The following BRINP3 variants were observed in gnomAD, a reference collection of about 807,000 sequenced individuals.
BRINP3 encodes BMP/retinoic acid-inducible neural-specific protein 3.
In BRINP3, 19 loss-of-function variants were observed where a neutral mutation model predicts 71.0. The ratio of observed to expected loss-of-function variants is 0.27; its 90% CI spans 0.19 to 0.39. The LOEUF is 0.39. Ranked by LOEUF, BRINP3 falls within the 10% of genes least tolerant of loss-of-function variation. The pLI is 1.00. For synonymous variants in BRINP3, 380 were observed against 337.7 expected (o/e 1.13, Z -1.37); for missense variants, 959 against 940.8 (o/e 1.02, Z -0.25).
At chr1:190,204,357 G>A (rs967189047) in intron 6 of BRINP3, among the ~76,000 whole-genome samples, 1 of 151,640 alleles carries the variant, frequency 6.6e-6, no homozygotes, top group Admixed American at 6.6e-5. Context: ...ATTATAAAAT[G>A]GAAAGAAAGG....
intron 6 of BRINP3, among the ~76,000 whole-genome samples, chr1:190,179,692 T>A (rs1652858745): frequency 6.6e-6 from 1 of 152,158 alleles, no homozygotes; most frequent in African/African-American, 2.4e-5. Flanking sequence ...GCTTTGCATA[T>A]AAAGTGAATA....
chr1:190,476,588 T>A (rs1359543197), intron 1 of BRINP3, among the ~76,000 whole-genome samples: 1 of 152,214 alleles, frequency 6.6e-6, no homozygotes, highest in Non-Finnish European at 1.5e-5. Flanking sequence ...CATATTAACA[T>A]GCCTATTAAA....
At chr1:190,250,320 C>T (rs915212832) in intron 4 of BRINP3, among the ~76,000 whole-genome samples, 46 of 151,842 alleles carry the variant, frequency 3.0e-4, no homozygotes, top group African/African-American at 9.4e-4. Flanking sequence ...ATTCCCTGAG[C>T]AAAAAGTGTT....
chr1:190,218,731 T>TC (rs139921380), intron 6 of BRINP3, among the ~76,000 whole-genome samples: 1 of 151,740 alleles, frequency 6.6e-6, no homozygotes, highest in Non-Finnish European at 1.5e-5. Flanking sequence ...TCCTCATACC[T>TC]CCCCCCACCC....
chr1:190,281,494 T>A, intron 3 of BRINP3, 66 bp downstream of exon 3: 1 of 1,444,910 alleles, frequency 6.9e-7, no homozygotes, highest in Non-Finnish European at 9.5e-7. Context: ...AATTAACACT[T>A]TTCTGCGATT....
In BRINP3 at chr1:190,476,472, T is replaced by C. The variant is rs573689762; in HGVS notation, c.-51+976A>G. Among the ~76,000 whole-genome samples, 6 of 152,034 alleles carry C rather than the reference T, an allele frequency of 3.9e-5. No homozygotes were observed. The South Asian group carries it at 1.2e-3, about 32-fold the overall frequency. On this transcript the variant is annotated intron_variant, in intron 1 of 7. Coordinates refer to ENST00000367462, the MANE Select transcript of BRINP3 (RefSeq NM_199051.3). ...TCCTCATTATGTGTCAATTGTGAAG[T>C]AAAAGTAAAGATTAAAATGTTTCTC...
chr1:190,279,716 G>A (rs926768014), intron 3 of BRINP3, among the ~76,000 whole-genome samples: 1 of 151,726 alleles, frequency 6.6e-6, no homozygotes, highest in Non-Finnish European at 1.5e-5. Flanking sequence ...TTTTCAACCT[G>A]TTCATGCCTT....
intron 2 of BRINP3, among the ~76,000 whole-genome samples, chr1:190,414,933 T>C (rs957549139): frequency 3.9e-5 from 6 of 152,116 alleles, no homozygotes; most frequent in African/African-American, 1.5e-4. Flanking sequence ...TTTCTCTGTC[T>C]TGAGACTAAA....
At position 190,449,131 on chromosome 1, in the gene BRINP3, C is replaced by G. The variant is rs556148028; in HGVS notation, c.236+5524G>C. On this transcript the variant is annotated intron_variant, in intron 2 of 7. Coordinates refer to ENST00000367462, the MANE Select transcript of BRINP3 (RefSeq NM_199051.3). ...GTCTCTTCCAAGAATTATATTTTAA[C>G]ATTTCCTTGAAATTTTAAAACAATA... 1.9e-3 allele frequency among the ~76,000 whole-genome samples: 284 copies of G among 152,146 alleles called. 2 individuals are homozygous for G. Among genetic ancestry groups the G allele is most frequent in the African/African-American group, 6.4e-3 (265 of 41,542 alleles).
intron 7 of BRINP3, among the ~76,000 whole-genome samples, chr1:190,108,387 TG>T (rs1407035590): frequency 6.6e-6 from 1 of 151,688 alleles, no homozygotes; most frequent in Non-Finnish European, 1.5e-5. Context: ...ATTTGTACAA[TG>T]GTTTAAGGAA....
chr1:190,267,876 C>G (rs1661790961), intron 3 of BRINP3, among the ~76,000 whole-genome samples: 1 of 151,894 alleles, frequency 6.6e-6, no homozygotes. Context: ...GGATTTTTGC[C>G]TGAAGTTTAA....
rs188625645 is a variant in BRINP3 at position 190,357,950 on chromosome 1, T to C, written c.237-76200A>G. On this transcript the variant is annotated intron_variant, in intron 2 of 7. Coordinates refer to ENST00000367462, the MANE Select transcript of BRINP3 (RefSeq NM_199051.3). ...AATAAATGGTTCTGGGAAAACTGGCTAGCCATATGGAGAAAGCTGAAACTG... is the reference window on the plus strand; with the variant it reads ...AATAAATGGTTCTGGGAAAACTGGCCAGCCATATGGAGAAAGCTGAAACTG... Among the ~76,000 whole-genome samples the C allele has an allele frequency of 2.4e-4, 36 of 152,086 alleles. 1 individual carries two copies. In the East Asian group the frequency reaches 6.0e-3, roughly 25 times the overall value.
chr1:190,416,195 C>A (rs1318898615), intron 2 of BRINP3, among the ~76,000 whole-genome samples: 1 of 152,114 alleles, frequency 6.6e-6, no homozygotes, highest in Non-Finnish European at 1.5e-5. Context: ...ATTATTTTTG[C>A]TTATTTCTCC....
intron 6 of BRINP3, among the ~76,000 whole-genome samples, chr1:190,223,044 C>T (rs780808177): frequency 1.2e-4 from 18 of 151,818 alleles, no homozygotes; most frequent in Non-Finnish European, 2.1e-4. Flanking sequence ...AGTCTTCCAT[C>T]AAAATGAAGC....
rs544242413 is a variant in BRINP3, at chr1:190,441,116, A to G, written c.236+13539T>C. ...TGTTATGGCAACATTTGACTTGGTCAAATATAATCTCCTAATAGAGAAGCT... is the reference window on the plus strand; with the variant it reads ...TGTTATGGCAACATTTGACTTGGTCGAATATAATCTCCTAATAGAGAAGCT... On this transcript the variant is annotated intron_variant, in intron 2 of 7. Coordinates refer to ENST00000367462, the MANE Select transcript of BRINP3 (RefSeq NM_199051.3). Among the ~76,000 whole-genome samples the G allele has an allele frequency of 1.2e-3, 181 of 152,084 alleles. 1 individual carries two copies. Among genetic ancestry groups the G allele is most frequent in the Non-Finnish European group, 1.9e-3 (127 of 67,856 alleles).
intron 4 of BRINP3, among the ~76,000 whole-genome samples, chr1:190,242,034 G>A (rs1659149137): frequency 6.6e-6 from 1 of 151,508 alleles, no homozygotes; most frequent in Non-Finnish European, 1.5e-5. Context: ...CTTAATATCA[G>A]ACTGCAATTC....
chr1:190,099,837 TA>T (rs1651542099), intron 7 of BRINP3, among the ~76,000 whole-genome samples: 1 of 152,234 alleles, frequency 6.6e-6, no homozygotes, highest in East Asian at 1.9e-4. Flanking sequence ...TGTGTTAGTT[TA>T]ATGTGTTTGA....
At chr1:190,268,301 G>C (rs1010527371) in intron 3 of BRINP3, among the ~76,000 whole-genome samples, 1 of 152,104 alleles carries the variant, frequency 6.6e-6, no homozygotes, top group Admixed American at 6.6e-5. Flanking sequence ...GTCTCACTGT[G>C]TTGCCCAGGC....
chr1:190,370,442 C>A (rs1669785905), intron 2 of BRINP3, among the ~76,000 whole-genome samples: 1 of 151,884 alleles, frequency 6.6e-6, no homozygotes, highest in African/African-American at 2.4e-5. Context: ...TCTCAACAAA[C>A]CATTAAGTAG....
Sources: gnomAD v4.1 joint callset for allele counts (sites outside exome capture counted in the v4.1 genomes callset) on GRCh38, gnomAD v4.1.1 for gene constraint, MANE v1.5 for transcripts, NCBI Gene and HGNC (gene_info 2026-07-23, HGNC 2026-07-21) for gene names.